The following EXOC6B variants were observed in gnomAD, a reference collection of about 807,000 sequenced individuals.
EXOC6B encodes the protein exocyst complex component 6B.
In EXOC6B, 54 loss-of-function variants were observed where a neutral mutation model predicts 113.5. The ratio of observed to expected loss-of-function variants is 0.48; its 90% confidence interval spans 0.38 to 0.60. EXOC6B has a LOEUF of 0.60. Ranked by LOEUF, EXOC6B falls within the 20% of genes least tolerant of loss-of-function variation. The pLI, the probability that EXOC6B is intolerant of heterozygous loss-of-function variation, is 0.00. For missense variants in EXOC6B, 797 were observed against 977.5 expected (o/e 0.82, Z 2.46); for synonymous variants, 357 against 339.0 (o/e 1.05, Z -0.58).
In EXOC6B at chr2:72,737,853, A is replaced by G. The variant is rs190662419; in HGVS notation, c.279+3451T>C. The stretch of plus-strand genomic sequence containing the variant: ...GGCAACAGAGCAAGACTCTGTCTCA[A>G]AAAAAAAAGTTATTTTACGGTAGCA... On this transcript the variant is annotated intron_variant, in intron 2 of 21. Transcript: ENST00000272427. Among the ~76,000 whole-genome samples, 133 of 151,546 alleles carry G rather than the reference A, an allele frequency of 8.8e-4. 3 individuals are homozygous for G. In the East Asian group the frequency reaches 0.018, roughly 20 times the overall value.
intron 18 of EXOC6B, among the ~76,000 whole-genome samples, chr2:72,393,558 G>C (rs1422670748): frequency 6.6e-6 from 1 of 152,072 alleles, no homozygotes; most frequent in Non-Finnish European, 1.5e-5. Context: ...TTTATGATTA[G>C]AGGATAAAAC....
At chr2:72,493,346 T>A (rs1699860653) in intron 15 of EXOC6B, among the ~76,000 whole-genome samples, 1 of 132,276 alleles carries the variant, frequency 7.6e-6, no homozygotes, top group African/African-American at 3.3e-5. Context: ...CATTTTTACA[T>A]AGGAAGCAAT....
intron 18 of EXOC6B, among the ~76,000 whole-genome samples, chr2:72,404,164 G>C (rs1432594737): frequency 2.0e-5 from 3 of 152,134 alleles, no homozygotes; most frequent in African/African-American, 2.4e-5. Flanking sequence ...GCTGGGGGAG[G>C]GGCGCCCACC....
In EXOC6B at chr2:72,177,886, T is replaced by C. The variant is rs1677833785; in HGVS notation, c.*1449A>G. ...ACAATTATACTCTTGCCACTAGCCA[T>C]CTTTCTGCTACTAGCCAGTAGCATC... is the stretch of plus-strand genomic sequence containing the variant. On this transcript the variant is annotated 3_prime_UTR_variant, in exon 22 of 22. Transcript: ENST00000272427. The C allele has an allele frequency of 6.6e-6, 1 of 152,216 alleles. No homozygotes were observed. The highest frequency in any genetic ancestry group is 2.4e-5 in the African/African-American group (1 of 41,456). 9.4% of individuals were successfully genotyped at this position (152,216 alleles called of 1,614,324 possible).
At chr2:72,423,417 T>C (rs1156424577) in intron 18 of EXOC6B, among the ~76,000 whole-genome samples, 4 of 152,192 alleles carry the variant, frequency 2.6e-5, no homozygotes, top group Non-Finnish European at 2.9e-5. Context: ...TTTTGATTCA[T>C]ATATAAGATT....
Position 72,177,941 on chromosome 2 carries a change from C to G in EXOC6B, c.*1394G>C, listed in dbSNP as rs1007248576. 5.9e-5 allele frequency: 9 copies of G among 152,174 alleles called. No individual in the cohort carries two copies. The highest frequency in any genetic ancestry group is 2.2e-4 in the African/African-American group (9 of 41,428). The allele number at this position is 152,174 out of a possible 1,614,324, so 9.4% of individuals were successfully genotyped here. ...TGAAGTGTCTTAAAGTACAGTTTCC[C>G]CCGACTGACCTCATAGCAAAGCCCT... On this transcript the variant is annotated 3_prime_UTR_variant, in exon 22 of 22. Transcript: ENST00000272427.
intron 18 of EXOC6B, among the ~76,000 whole-genome samples, chr2:72,423,541 T>G (rs1238300993): frequency 6.6e-6 from 1 of 152,240 alleles, no homozygotes; most frequent in African/African-American, 2.4e-5. Flanking sequence ...ATTCTAGATA[T>G]AGGATCATAT....
intron 6 of EXOC6B, among the ~76,000 whole-genome samples, chr2:72,586,901 G>T (rs1445319703): frequency 2.0e-5 from 3 of 152,106 alleles, no homozygotes; most frequent in Non-Finnish European, 4.4e-5. Flanking sequence ...CTATTAAAAA[G>T]TCAAAAAACA....
intron 8 of EXOC6B, among the ~76,000 whole-genome samples, chr2:72,519,878 A>G (rs1446786771): frequency 2.0e-5 from 3 of 152,212 alleles, no homozygotes; most frequent in Non-Finnish European, 2.9e-5. Context: ...AAAGGGCTCT[A>G]AGAAATGCTT....
intron 5 of EXOC6B, chr2:72,722,073 A>G (rs1211280518): frequency 1.3e-5 from 2 of 152,014 alleles, no homozygotes; most frequent in Non-Finnish European, 2.9e-5. Context: ...ACTTACACAT[A>G]TAAATTATGA....
intron 19 of EXOC6B, among the ~76,000 whole-genome samples, chr2:72,348,013 TA>T (rs1689433511): frequency 6.6e-6 from 1 of 152,182 alleles, no homozygotes; most frequent in South Asian, 2.1e-4. Context: ...GCTGTTATAG[TA>T]AAATACCATA....
chr2:72,281,188 C>A (rs1000041372), intron 20 of EXOC6B, among the ~76,000 whole-genome samples: 7 of 152,158 alleles, frequency 4.6e-5, no homozygotes, highest in South Asian at 2.1e-4. Context: ...ATTGCTGCTG[C>A]AGAACTACAA....
intron 11 of EXOC6B, among the ~76,000 whole-genome samples, chr2:72,507,022 T>A (rs1700630946): frequency 6.6e-6 from 1 of 152,130 alleles, no homozygotes; most frequent in Admixed American, 6.6e-5. Flanking sequence ...TAAGATCTTA[T>A]GTTTTGAAAT....
At chr2:72,541,578 G>T (rs1282099214) in intron 8 of EXOC6B, among the ~76,000 whole-genome samples, 1 of 152,092 alleles carries the variant, frequency 6.6e-6, no homozygotes, top group Non-Finnish European at 1.5e-5. Flanking sequence ...ATGTGGATGG[G>T]TTATGGAAAT....
intron 6 of EXOC6B, among the ~76,000 whole-genome samples, chr2:72,709,003 A>G (rs1002866140): frequency 7.3e-6 from 1 of 136,860 alleles, no homozygotes; most frequent in Non-Finnish European, 1.5e-5. Flanking sequence ...CTCAGCCTCC[A>G]AAGTGCTGGG....
At chr2:72,765,707 C>A (rs532775294) in intron 1 of EXOC6B, among the ~76,000 whole-genome samples, 6 of 151,984 alleles carry the variant, frequency 3.9e-5, no homozygotes, top group Non-Finnish European at 5.9e-5. Flanking sequence ...AACAGAACTG[C>A]TCCGGCAACC....
At chr2:72,543,646 A>G (rs1173347129) in intron 8 of EXOC6B, among the ~76,000 whole-genome samples, 3 of 152,206 alleles carry the variant, frequency 2.0e-5, no homozygotes, top group Admixed American at 2.0e-4. Flanking sequence ...GAAATGTTAG[A>G]TCACAGCTAC....
rs1254459998 is a variant in EXOC6B, at chr2:72,480,675, T to A, written c.1741A>T (p.Thr581Ser). 1.9e-6 allele frequency: 3 copies of A among 1,591,952 alleles called. No individual in the cohort carries two copies. The Admixed American group carries it at 5.3e-5, about 28-fold the overall frequency. The change falls in exon 17 of 22, where the codon ACT becomes TCT. Residue 581 changes from threonine (T) to serine (S), a missense_variant. Thr to Ser is a moderately conservative substitution (Grantham distance 58). Coordinates refer to ENST00000272427, the MANE Select transcript of EXOC6B (RefSeq NM_015189.3). Reference sequence around the variant, plus strand: ...TGAACTGTCTCTGGAAGCACATTAGTGATGTTGGTGATAAATTCTTCCAAG... The same window carrying A: ...TGAACTGTCTCTGGAAGCACATTAGAGATGTTGGTGATAAATTCTTCCAAG... ...KYLEEFITNITNVLPETVHTT... is the reference protein window; with the variant it reads ...KYLEEFITNISNVLPETVHTT...
chr2:72,239,235 AGT>A lies in EXOC6B; in HGVS notation c.2197-55050_2197-55049del, dbSNP rs527533734. The stretch of plus-strand genomic sequence containing the variant: ...GTCAAAGCTACTTTTTCTTTTTTCG[AGT>A]GTGTGTTTATACGGTGTTGCCTAAC... On this transcript the variant is annotated intron_variant, in intron 20 of 21. Transcript: ENST00000272427. Among the ~76,000 whole-genome samples, 537 of 152,006 alleles carry A rather than the reference AGT, an allele frequency of 3.5e-3. 6 individuals carry two copies. The highest frequency in any genetic ancestry group is 0.012 in the African/African-American group (490 of 41,464).
Sources: allele counts gnomAD v4.1 joint callset (sites outside exome capture counted in the v4.1 genomes callset), GRCh38; gene constraint gnomAD v4.1.1; transcripts MANE v1.5; gene names NCBI Gene and HGNC (gene_info 2026-07-23, HGNC 2026-07-21).